GLT6D1: variants seen among roughly 807,000 people sequenced by gnomAD.
GLT6D1 encodes glycosyltransferase 6 domain containing 1, also known as putative glycosyltransferase 6 domain-containing protein 1.
A neutral mutation model predicts 12.3 loss-of-function variants in GLT6D1; 9 were observed. That is an observed-to-expected ratio of 0.73 (90% CI 0.44 to 1.27). GLT6D1 has a LOEUF of 1.27. GLT6D1 is among the 50% of genes most tolerant of loss of function. The pLI, the probability that GLT6D1 is intolerant of heterozygous loss-of-function variation, is 0.00. For missense variants in GLT6D1, 335 were observed against 346.2 expected, an observed-to-expected ratio of 0.97 and a Z score of 0.26; for synonymous variants, 128 against 132.3, an observed-to-expected ratio of 0.97 and a Z score of 0.23.
At chr9:135,631,002 C>T (rs1227872764) in intron 3 of GLT6D1, among the ~76,000 whole-genome samples, 1 of 147,874 alleles carries the variant, frequency 6.8e-6, no homozygotes, top group African/African-American at 2.5e-5. Flanking sequence ...AGACGGGTTA[C>T]ATTTAGTCAC....
At chr9:135,626,331 C>T (rs6537902) in intron 3 of GLT6D1, 125 bp from the exon 4 acceptor site, 933,340 of 939,374 alleles carry the variant, frequency 0.99, 463,858 homozygotes, top group East Asian at 1. Context: ...TTGAGTGCAT[C>T]ATCCCACTGG....
At chr9:135,640,638 T>A (rs62577654), upstream of GLT6D1, among the ~76,000 whole-genome samples, 7,664 of 151,874 alleles carry the variant, frequency 0.05, 209 homozygotes, top group Middle Eastern at 0.16. Context: ...CAGAATCGCT[T>A]GAACCCAAGA....
At chr9:135,640,847 T>C (rs115554864), upstream of GLT6D1, among the ~76,000 whole-genome samples, 745 of 152,268 alleles carry the variant, frequency 4.9e-3, 6 homozygotes, top group African/African-American at 0.017. Flanking sequence ...ACCTCTGCAA[T>C]TGGAAACTGA....
intron 2 of GLT6D1, among the ~76,000 whole-genome samples, chr9:135,635,318 T>TA (rs995680770): frequency 4.7e-4 from 71 of 152,188 alleles, no homozygotes; most frequent in East Asian, 2.9e-3. Context: ...ATAGAATTTG[T>TA]AAAAAAAATC....
At chr9:135,628,156 G>A (rs991221897) in intron 3 of GLT6D1, among the ~76,000 whole-genome samples, 2 of 151,990 alleles carry the variant, frequency 1.3e-5, no homozygotes, top group African/African-American at 4.8e-5. Flanking sequence ...TCTTGATAAT[G>A]TCCTTTGATT....
At chr9:135,631,940 A>G (rs1351126311) in intron 2 of GLT6D1, among the ~76,000 whole-genome samples, 1 of 152,154 alleles carries the variant, frequency 6.6e-6, no homozygotes, top group East Asian at 1.9e-4. Flanking sequence ...TTGCATGATC[A>G]TAGCTCACTG....
chr9:135,628,943 C>T (rs1205263690), intron 3 of GLT6D1, among the ~76,000 whole-genome samples: 1 of 151,964 alleles, frequency 6.6e-6, no homozygotes, highest in Non-Finnish European at 1.5e-5. Context: ...TTCAGTTCTC[C>T]CTTTTTAGCT....
rs1833436247 is a variant in GLT6D1 at position 135,624,398 on chromosome 9, A to G, written c.530T>C (p.Val177Ala). 3.1e-6 allele frequency: 5 copies of G among 1,613,992 alleles called. No individual in the cohort carries two copies. The highest frequency in any genetic ancestry group is 2.7e-5 in the African/African-American group (2 of 74,902). The change falls in exon 5 of 5, where the codon GTC becomes GCC. Residue 177 changes from valine to alanine, a missense_variant. Val to Ala is a moderately conservative substitution (Grantham distance 64). Coordinates refer to ENST00000371763, the MANE Select transcript of GLT6D1 (RefSeq NM_182974.3). ...CTCCACCCCGAACTCATTCTGGAAGACCTGGTTGGCAGCCATGCTGAAGAG... is the reference window on the plus strand; with the variant it reads ...CTCCACCCCGAACTCATTCTGGAAGGCCTGGTTGGCAGCCATGCTGAAGAG... ...DFLFSMAANQ[V>A]FQNEFGVETL...
At chr9:135,634,782 C>A (rs113758228) in intron 2 of GLT6D1, among the ~76,000 whole-genome samples, 5 of 150,868 alleles carry the variant, frequency 3.3e-5, no homozygotes, top group Non-Finnish European at 7.4e-5. Context: ...CCACCCAGCA[C>A]GCCACACTCC....
In GLT6D1 at chr9:135,624,224, G is replaced by A. The variant is rs368230207; in HGVS notation, c.704C>T (p.Thr235Ile). The stretch of plus-strand genomic sequence containing the variant: ...GATGAAGTCTAAAATATTATGGGGT[G>A]TGCCACCAACCATCAAGTTGCCATA... ...FYYGNLMVGGTPHNILDFIKE... is the reference protein window; with the variant it reads ...FYYGNLMVGGIPHNILDFIKE... The change falls in exon 5 of 5, where the codon ACA becomes ATA. Residue 235 changes from threonine (T) to isoleucine (I), a missense_variant. Transcript: ENST00000371763. The A allele has an allele frequency of 4.4e-6, 7 of 1,608,118 alleles. No homozygotes were observed. The highest frequency in any genetic ancestry group is 5.9e-6 in the Non-Finnish European group (7 of 1,178,056).
intron 2 of GLT6D1, 83 bp from the exon 3 acceptor site, chr9:135,631,561 G>T: frequency 9.2e-7 from 1 of 1,089,236 alleles, no homozygotes; most frequent in Non-Finnish European, 1.4e-6. Context: ...CCCGTTTGGT[G>T]TTTCGTCAAC....
chr9:135,627,961 G>A (rs1257309188), intron 3 of GLT6D1, among the ~76,000 whole-genome samples: 2 of 152,072 alleles, frequency 1.3e-5, no homozygotes, highest in Admixed American at 6.5e-5. Flanking sequence ...CTTTTCATGT[G>A]CTTATTGGCC....
intron 3 of GLT6D1, among the ~76,000 whole-genome samples, chr9:135,630,644 A>T (rs1329023516): frequency 6.6e-6 from 1 of 151,672 alleles, no homozygotes; most frequent in African/African-American, 2.4e-5. Context: ...CACTTGACCC[A>T]GGAGGCAGAG....
chr9:135,636,576 T>A lies in GLT6D1; in HGVS notation c.71+2541A>T, dbSNP rs188460428. On this transcript the variant is annotated intron_variant, in intron 2 of 4. Coordinates refer to ENST00000371763, the MANE Select transcript of GLT6D1 (RefSeq NM_182974.3). ...GTGCTGTAACGTCCTGTGGGTTTTTTTTCAAATGCAAAGTTACATGTGTCC... is the reference window on the plus strand; with the variant it reads ...GTGCTGTAACGTCCTGTGGGTTTTTATTCAAATGCAAAGTTACATGTGTCC... Among the ~76,000 whole-genome samples, 370 of 152,314 alleles carry A rather than the reference T, an allele frequency of 2.4e-3. 1 individual carries two copies. The highest frequency in any genetic ancestry group is 7.1e-3 in the Admixed American group (109 of 15,302).
chr9:135,632,734 C>A (rs1833678280), intron 2 of GLT6D1, among the ~76,000 whole-genome samples: 1 of 150,374 alleles, frequency 6.7e-6, no homozygotes. Flanking sequence ...GTGGCGCAAT[C>A]TCAGCTCACC....
intron 2 of GLT6D1, among the ~76,000 whole-genome samples, chr9:135,634,230 G>C (rs1833713863): frequency 6.6e-6 from 1 of 152,068 alleles, no homozygotes; most frequent in Non-Finnish European, 1.5e-5. Context: ...CCAGATTCAA[G>C]CTATTCTCCT....
At chr9:135,628,186 G>C (rs915760034) in intron 3 of GLT6D1, among the ~76,000 whole-genome samples, 1 of 151,836 alleles carries the variant, frequency 6.6e-6, no homozygotes, top group Non-Finnish European at 1.5e-5. Flanking sequence ...TTTTAGTTTT[G>C]ATGAAGTCCA....
intron 4 of GLT6D1, 78 bp downstream of exon 4, chr9:135,625,991 T>C: frequency 6.7e-7 from 1 of 1,495,814 alleles, no homozygotes; most frequent in Non-Finnish European, 9.2e-7. Context: ...TATGGTTGGC[T>C]CTTTGGAGGT....
chr9:135,638,018 C>G (rs780509167), intron 2 of GLT6D1, among the ~76,000 whole-genome samples: 1 of 152,138 alleles, frequency 6.6e-6, no homozygotes, highest in African/African-American at 2.4e-5. Context: ...TCTGTTTTCA[C>G]GCTGCTGATA....
Sources: gnomAD v4.1 joint callset for allele counts (sites outside exome capture counted in the v4.1 genomes callset) on GRCh38, gnomAD v4.1.1 for gene constraint, MANE v1.5 for transcripts, NCBI Gene and HGNC (gene_info 2026-07-23, HGNC 2026-07-21) for gene names.